TRPC5: variants seen among roughly 807,000 people sequenced by gnomAD.
The protein encoded by TRPC5 is short transient receptor potential channel 5.
TRPC5 carries 9 observed loss-of-function variants against 56.5 expected under a neutral mutation model. The ratio of observed to expected loss-of-function variants is 0.16; its 90% confidence interval spans 0.10 to 0.28. The LOEUF is 0.28. Among genes scored for constraint, TRPC5 ranks in the 10% least tolerant of loss-of-function variants. The pLI is 1.00. For synonymous variants in TRPC5, 282 were observed against 278.5 expected, an observed-to-expected ratio of 1.01 and a Z score of -0.13; for missense variants, 469 against 748.9, an observed-to-expected ratio of 0.63 and a Z score of 4.36.
intron 7 of TRPC5, among the ~76,000 whole-genome samples, chrX:111,811,400 C>T (rs775777538): frequency 1.3e-4 from 15 of 112,783 alleles, no homozygotes; most frequent in East Asian, 8.4e-4. Flanking sequence ...ATTTTATGTA[C>T]GTGCACACGC....
At chrX:112,057,589 G>A (rs761414934) in intron 1 of TRPC5, among the ~76,000 whole-genome samples, 3 of 111,552 alleles carry the variant, frequency 2.7e-5, no homozygotes, top group Non-Finnish European at 3.8e-5. Flanking sequence ...TTGATTCCAC[G>A]TTCCTATGTG....
intron 2 of TRPC5, among the ~76,000 whole-genome samples, chrX:111,936,907 G>A (rs1397673444): frequency 9.8e-6 from 1 of 101,921 alleles, no homozygotes; most frequent in Admixed American, 1.0e-4. Flanking sequence ...CTAGATCCCT[G>A]AGGAATCACC....
Position 111,912,384 on chromosome X carries a change from G to A in TRPC5, c.807C>T (p.Leu269=). 4.1e-6 allele frequency: 5 copies of A among 1,211,620 alleles called. No homozygotes were observed. Among genetic ancestry groups the A allele is most frequent in the Non-Finnish European group, 5.6e-6 (5 of 895,493 alleles). Residue 269 remains leucine, a synonymous_variant, in exon 3 of 11, where the codon CTC becomes CTT. Transcript: ENST00000262839. ...CTTCACTGTGGTCATCTCGATGGTT[G>A]AGGATGATCTCCAGTTCCCTGGAGC... ...ARSSRELEII[L]NHRDDHSEEL...
intron 6 of TRPC5, among the ~76,000 whole-genome samples, chrX:111,840,079 A>G (rs1459682325): frequency 2.7e-5 from 3 of 112,454 alleles, no homozygotes; most frequent in Non-Finnish European, 5.6e-5. Flanking sequence ...TTGAGGCAGG[A>G]GAATGGTGTG....
At chrX:111,816,653 T>G (rs772226806) in intron 7 of TRPC5, among the ~76,000 whole-genome samples, 10 of 111,912 alleles carry the variant, frequency 8.9e-5, no homozygotes, top group Non-Finnish European at 1.9e-4. Flanking sequence ...TCAGTTTCAA[T>G]TTTTCTCCTG....
chrX:111,798,892 T>TAA (rs903158567), intron 7 of TRPC5, among the ~76,000 whole-genome samples: 12 of 111,936 alleles, frequency 1.1e-4, no homozygotes, highest in African/African-American at 3.2e-5. Context: ...GCTGTAGTAT[T>TAA]TAATGCCAGC....
At chrX:111,907,294 G>A (rs949815997) in intron 3 of TRPC5, among the ~76,000 whole-genome samples, 1 of 110,076 alleles carries the variant, frequency 9.1e-6, no homozygotes, top group African/African-American at 3.3e-5. Context: ...GAGAAATTTT[G>A]TCTAACATGG....
At chrX:112,039,818 G>A (rs1334777991) in intron 1 of TRPC5, among the ~76,000 whole-genome samples, 6 of 111,973 alleles carry the variant, frequency 5.4e-5, no homozygotes, top group African/African-American at 1.6e-4. Context: ...AGCAAGTCCT[G>A]TGTCTGCCAC....
At chrX:111,902,231 T>C in intron 3 of TRPC5, 1 of 856,846 alleles carries the variant, frequency 1.2e-6, no homozygotes, top group Non-Finnish European at 1.6e-6. Flanking sequence ...AACTGATCAT[T>C]TCTCTGTTTT....
chrX:112,035,456 C>CATATATATAT (rs58747733), intron 1 of TRPC5, among the ~76,000 whole-genome samples: 1 of 103,694 alleles, frequency 9.6e-6, no homozygotes, highest in African/African-American at 3.6e-5. Flanking sequence ...TCCTTGAACT[C>CATATATATAT]ATATATATAT....
intron 2 of TRPC5, among the ~76,000 whole-genome samples, chrX:111,928,233 C>T (rs1926312587): frequency 9.0e-6 from 1 of 111,518 alleles, no homozygotes; most frequent in African/African-American, 3.3e-5. Context: ...TACTGGGTCA[C>T]TAATAAAACA....
intron 1 of TRPC5, among the ~76,000 whole-genome samples, chrX:111,954,970 C>G (rs760444742): frequency 3.6e-5 from 4 of 112,052 alleles, no homozygotes; most frequent in Non-Finnish European, 7.5e-5. Flanking sequence ...GGCACTATTA[C>G]TACCACTGCC....
intron 1 of TRPC5, among the ~76,000 whole-genome samples, chrX:112,022,985 A>C (rs907167793): frequency 1.8e-5 from 2 of 110,539 alleles, no homozygotes; most frequent in African/African-American, 3.3e-5. Context: ...CCCAAGCTGG[A>C]GTGCAGTGGC....
intron 3 of TRPC5, among the ~76,000 whole-genome samples, chrX:111,860,041 TG>T (rs1923351669): frequency 8.9e-6 from 1 of 112,601 alleles, no homozygotes; most frequent in Admixed American, 9.3e-5. Context: ...CCCGAGTAGC[TG>T]GGGCTACAGG....
At chrX:111,944,305 AG>A (rs1569528409) in intron 2 of TRPC5, among the ~76,000 whole-genome samples, 274 of 25,145 alleles carry the variant, frequency 0.011, 5 homozygotes, top group African/African-American at 0.05. Flanking sequence ...TGTGTGTGTG[AG>A]AGAGAGAGAG....
chrX:112,068,616 G>A (rs1238515852), intron 1 of TRPC5, among the ~76,000 whole-genome samples: 8 of 111,859 alleles, frequency 7.2e-5, no homozygotes, highest in Non-Finnish European at 1.3e-4. Context: ...TCTGGCTGGT[G>A]AGCATCAGGG....
intron 4 of TRPC5, 117 bp downstream of exon 4, chrX:111,853,653 C>T (rs1923146045): frequency 4.7e-6 from 3 of 640,488 alleles, no homozygotes; most frequent in Non-Finnish European, 7.4e-6. Flanking sequence ...TACCACACTG[C>T]ATGGGGGTGG....
At chrX:112,065,748 T>C (rs187304617) in intron 1 of TRPC5, among the ~76,000 whole-genome samples, 132 of 110,684 alleles carry the variant, frequency 1.2e-3, no homozygotes, top group South Asian at 5.1e-3. Context: ...AAAAATTAGC[T>C]GGGAGTGGTG....
chrX:111,792,044 C>T (rs1044562839), intron 7 of TRPC5, among the ~76,000 whole-genome samples: 42 of 112,079 alleles, frequency 3.7e-4, no homozygotes, highest in African/African-American at 1.3e-3. Context: ...ATAGCAAAGA[C>T]TTGGAACCAA....
Sources: allele counts gnomAD v4.1 joint callset (sites outside exome capture counted in the v4.1 genomes callset), GRCh38; gene constraint gnomAD v4.1.1; transcripts MANE v1.5; gene names NCBI Gene and HGNC (gene_info 2026-07-23, HGNC 2026-07-21).